The following IGF2BP2 variants were observed in gnomAD, a reference collection of about 807,000 sequenced individuals.
The protein encoded by IGF2BP2 is insulin like growth factor 2 mRNA binding protein 2, also known as insulin-like growth factor 2 mRNA-binding protein 2.
A neutral mutation model predicts 75.8 loss-of-function variants in IGF2BP2; 17 were observed. The observed-to-expected ratio is 0.22, with a 90% CI of 0.15 to 0.34. The LOEUF is 0.34. Among genes scored for constraint, IGF2BP2 ranks in the 10% least tolerant of loss-of-function variants. IGF2BP2 has a pLI of 1.00. For missense variants in IGF2BP2, 516 were observed against 772.4 expected (o/e 0.67, Z 3.93); for synonymous variants, 288 against 295.6 (o/e 0.97, Z 0.26).
chr3:185,677,554 A>C (rs1719747108), intron 7 of IGF2BP2, among the ~76,000 whole-genome samples: 1 of 152,198 alleles, frequency 6.6e-6, no homozygotes, highest in South Asian at 2.1e-4. Context: ...CTTACTAGGC[A>C]TACAAAGAAA....
At chr3:185,672,762 A>G (rs1357357438) in intron 9 of IGF2BP2, 93 bp from the exon 10 acceptor site, 15 of 1,410,692 alleles carry the variant, frequency 1.1e-5, no homozygotes, top group Non-Finnish European at 2.0e-6. Context: ...TAATGGCACC[A>G]GCGTCTCCTA....
chr3:185,820,187 A>C (rs1443804884), intron 2 of IGF2BP2, among the ~76,000 whole-genome samples: 14 of 151,162 alleles, frequency 9.3e-5, no homozygotes, highest in Non-Finnish European at 1.5e-5. Flanking sequence ...GTCTTAGTTC[A>C]AAACAAGGCA....
chr3:185,727,970 G>T (rs1286780184), intron 2 of IGF2BP2, among the ~76,000 whole-genome samples: 1 of 152,108 alleles, frequency 6.6e-6, no homozygotes, highest in Non-Finnish European at 1.5e-5. Flanking sequence ...CATCTCAACA[G>T]TCGTGAGTTC....
At chr3:185,787,022 C>G (rs1011084862) in intron 2 of IGF2BP2, among the ~76,000 whole-genome samples, 7 of 152,310 alleles carry the variant, frequency 4.6e-5, no homozygotes, top group Admixed American at 2.0e-4. Context: ...GTCCTGTGGG[C>G]TGGAGTCTGC....
intron 2 of IGF2BP2, among the ~76,000 whole-genome samples, chr3:185,810,794 A>T (rs1169147151): frequency 2.0e-5 from 3 of 151,956 alleles, no homozygotes; most frequent in African/African-American, 7.2e-5. Flanking sequence ...AACAAAAAAC[A>T]AAAACTAAAA....
chr3:185,790,944 C>T (rs1736565605), intron 2 of IGF2BP2, among the ~76,000 whole-genome samples: 1 of 152,164 alleles, frequency 6.6e-6, no homozygotes, highest in South Asian at 2.1e-4. Flanking sequence ...AAGGACAATT[C>T]TGAATAATTT....
In IGF2BP2 at chr3:185,825,002, C is replaced by T. The variant is rs1741852217; in HGVS notation, c.-42G>A. ...AGCCCGCGGCTCCCCCGGCCCGGTA[C>T]CCGGCGCTCCTCGCCTCCTCCGCTG... is the stretch of plus-strand genomic sequence containing the variant. On this transcript the variant is annotated 5_prime_UTR_variant, in exon 1 of 16. Transcript: ENST00000382199. 3 of 1,426,490 alleles carry T rather than the reference C, an allele frequency of 2.1e-6. No individual in the cohort carries two copies. Among genetic ancestry groups the T allele is most frequent in the Non-Finnish European group, 1.9e-6 (2 of 1,069,164 alleles). The allele number at this position is 1,426,490 out of a possible 1,614,324, so 88.4% of individuals were successfully genotyped here. A position where few individuals can be genotyped will look rare whatever the true frequency, so the allele number is the denominator to read the frequency against.
intron 10 of IGF2BP2, among the ~76,000 whole-genome samples, chr3:185,660,159 CA>C (rs1716189773): frequency 6.6e-6 from 1 of 152,224 alleles, no homozygotes; most frequent in African/African-American, 2.4e-5. Flanking sequence ...GTGCTTTACA[CA>C]AGGCTGGGTC....
At position 185,647,149 on chromosome 3, in the gene IGF2BP2, A is replaced by G. The variant is rs756613537; in HGVS notation, c.1594-11T>C. ...CTGCAGTTCGTTCACCTGTGAAGGG[A>G]GAAACGGCAACGGGTTGGATAGGTT... On this transcript the variant is annotated splice_polypyrimidine_tract_variant and intron_variant, in intron 14 of 15. Coordinates refer to ENST00000382199, the MANE Select transcript of IGF2BP2 (RefSeq NM_006548.6). The surrounding 1 kb of genome is among the most constrained non-coding windows in gnomAD (Gnocchi z 4.9). The G allele has an allele frequency of 6.2e-7, 1 of 1,602,176 alleles. No homozygotes were observed. The highest frequency in any genetic ancestry group is 8.6e-7 in the Non-Finnish European group (1 of 1,169,146).
intron 10 of IGF2BP2, among the ~76,000 whole-genome samples, chr3:185,665,012 A>G (rs557835683): frequency 8.4e-4 from 127 of 152,004 alleles, no homozygotes; most frequent in Middle Eastern, 3.4e-3. Context: ...ACCGGGGGGG[A>G]AAAACAGACA....
At chr3:185,692,098 C>T (rs1256078360) in intron 5 of IGF2BP2, among the ~76,000 whole-genome samples, 6 of 152,108 alleles carry the variant, frequency 3.9e-5, no homozygotes, top group Non-Finnish European at 8.8e-5. Flanking sequence ...TTAACCATCC[C>T]TGAAGTAATG....
At chr3:185,665,233 G>GATATCTACAA (rs1717144649) in intron 10 of IGF2BP2, among the ~76,000 whole-genome samples, 1 of 145,048 alleles carries the variant, frequency 6.9e-6, no homozygotes. Flanking sequence ...GGAGGAGGAG[G>GATATCTACAA]AGGAGAAGGA....
At chr3:185,715,813 T>A (rs1319970493) in intron 2 of IGF2BP2, among the ~76,000 whole-genome samples, 1 of 152,056 alleles carries the variant, frequency 6.6e-6, no homozygotes, top group Non-Finnish European at 1.5e-5. Context: ...CCAGCTAATT[T>A]TTTTGTATTT....
At chr3:185,803,091 G>A (rs1342226690) in intron 2 of IGF2BP2, among the ~76,000 whole-genome samples, 5 of 152,206 alleles carry the variant, frequency 3.3e-5, no homozygotes, top group Non-Finnish European at 5.9e-5. Context: ...GGTGGCTCAC[G>A]CCTGTAATCC....
intron 2 of IGF2BP2, among the ~76,000 whole-genome samples, chr3:185,799,568 G>A (rs1737906310): frequency 6.6e-6 from 1 of 152,116 alleles, no homozygotes; most frequent in Non-Finnish European, 1.5e-5. Context: ...CTAACACGGT[G>A]AAACCCCGTC....
chr3:185,664,627 A>G (rs1350455746), intron 10 of IGF2BP2, among the ~76,000 whole-genome samples: 1 of 152,182 alleles, frequency 6.6e-6, no homozygotes, highest in African/African-American at 2.4e-5. Flanking sequence ...AGAGAACCAG[A>G]GTGACCCTGG....
Position 185,649,494 on chromosome 3 carries a change from A to T in IGF2BP2, c.1502T>A (p.Phe501Tyr). Residue 501 changes from phenylalanine (F) to tyrosine (Y), a missense_variant, in exon 14 of 16, where the codon TTC (phenylalanine) becomes TAC (tyrosine). By Grantham distance (22) the Phe-to-Tyr change is conservative (BLOSUM62 3). This residue lies in a region of IGF2BP2 where 129 missense variants were observed against 230.5 expected (regional missense o/e 0.56). Coordinates refer to ENST00000382199, the MANE Select transcript of IGF2BP2 (RefSeq NM_006548.6). ...RIFGKLKEEN[F>Y]FNPKEEVKLE... is the part of the protein sequence containing the mutation. ...CTTCACTTCTTCTTTGGGGTTAAAG[A>T]AGTTTTCCTCTTTCAGTTTCCCAAA... 1 of 1,614,150 alleles carries T rather than the reference A, an allele frequency of 6.2e-7. No individual in the cohort carries two copies.
intron 2 of IGF2BP2, among the ~76,000 whole-genome samples, chr3:185,736,585 C>T (rs532082766): frequency 2.0e-5 from 3 of 152,172 alleles, no homozygotes; most frequent in Non-Finnish European, 2.9e-5. Flanking sequence ...TGGAATAGGC[C>T]CACTTGCTTA....
At chr3:185,824,717 C>T (rs1382273157) in intron 1 of IGF2BP2, 66 bp downstream of exon 1, 1 of 1,191,972 alleles carries the variant, frequency 8.4e-7, no homozygotes, top group East Asian at 3.4e-5. Flanking sequence ...GACTCGGCCT[C>T]CCTCCCGGCG....
Sources: gnomAD v4.1 joint callset for allele counts (sites outside exome capture counted in the v4.1 genomes callset) on GRCh38, gnomAD v4.1.1 for gene constraint, gnomAD v4.1.1 regional missense constraint, Gnocchi (gnomAD v3.1) non-coding constraint, MANE v1.5 for transcripts, NCBI Gene and HGNC (gene_info 2026-07-23, HGNC 2026-07-21) for gene names.